Variants in CALD1 observed in about 807,000 individuals in gnomAD.
CALD1 encodes the protein caldesmon.
Under a neutral mutation model 99.9 loss-of-function variants are expected in CALD1, and 33 were observed. That is an observed-to-expected ratio of 0.33 (90% confidence interval 0.25 to 0.44). CALD1 has a LOEUF of 0.44. Ranked by LOEUF, CALD1 falls within the 20% of genes least tolerant of loss-of-function variation. The pLI, the probability that CALD1 is intolerant of heterozygous loss-of-function variation, is 1.00. For synonymous variants in CALD1, 310 were observed against 325.0 expected (o/e 0.95, Z 0.50); for missense variants, 861 against 962.1 (o/e 0.89, Z 1.39).
intron 1 of CALD1, among the ~76,000 whole-genome samples, chr7:134,774,169 CAAA>C (rs5887704): frequency 7.4e-6 from 1 of 135,948 alleles, no homozygotes; most frequent in East Asian, 2.1e-4. Context: ...GATTCCATCT[CAAA>C]AAAAAAAAAA....
At chr7:134,795,088 T>C (rs990255417) in intron 1 of CALD1, among the ~76,000 whole-genome samples, 1 of 152,218 alleles carries the variant, frequency 6.6e-6, no homozygotes, top group Non-Finnish European at 1.5e-5. Context: ...CTCTCGTCTT[T>C]TTTATTTATT....
Position 134,819,131 on chromosome 7 carries a change from C to T in CALD1, c.-129-24753C>T, listed in dbSNP as rs565293346. Among the ~76,000 whole-genome samples, 33 of 152,198 alleles carry T rather than the reference C, an allele frequency of 2.2e-4. 1 individual carries two copies. Among genetic ancestry groups the T allele is most frequent in the South Asian group, 4.1e-4 (2 of 4,828 alleles). ...CCTGACTAGATGAAGTAAGAACCGT[C>T]GTGAGGCCCAGGAGCAAGAAAAAAA... On this transcript the variant is annotated intron_variant, in intron 1 of 14. Coordinates refer to ENST00000361675, the MANE Select transcript of CALD1 (RefSeq NM_033138.4).
rs112159606 is a variant in CALD1, at chr7:134,958,305, C to T, written c.2061+15C>T. 1.3e-6 allele frequency: 2 copies of T among 1,596,868 alleles called. No individual in the cohort carries two copies. Among genetic ancestry groups the T allele is most frequent in the Non-Finnish European group, 1.7e-6 (2 of 1,164,564 alleles). On this transcript the variant is annotated intron_variant, in intron 11 of 14. Coordinates refer to ENST00000361675, the MANE Select transcript of CALD1 (RefSeq NM_033138.4). ...GTGCAATTGAGGTGAGAATTGTCCT[C>T]AGCGTTATGGTCCTGCTGAACAGAA...
chr7:134,891,796 A>G (rs12531510), intron 3 of CALD1: 258,234 of 716,620 alleles, frequency 0.36, 57,058 homozygotes, highest in East Asian at 0.85. Flanking sequence ...AGAGGAGGAG[A>G]CACCAGGCAG....
At chr7:134,779,787 A>G in intron 1 of CALD1, 38 bp downstream of exon 1, 1 of 398,274 alleles carries the variant, frequency 2.5e-6, no homozygotes, top group Admixed American at 4.4e-5. Context: ...TCTTCTAGAG[A>G]GAATCTGGGG....
intron 1 of CALD1, among the ~76,000 whole-genome samples, chr7:134,813,720 C>G (rs931683794): frequency 2.0e-5 from 3 of 152,192 alleles, no homozygotes; most frequent in African/African-American, 7.2e-5. Context: ...ACTTGGGAAA[C>G]AGCAGACTTG....
chr7:134,885,874 C>T (rs920894854), intron 3 of CALD1, among the ~76,000 whole-genome samples: 1 of 151,840 alleles, frequency 6.6e-6, no homozygotes, highest in Non-Finnish European at 1.5e-5. Context: ...GAGACCAGAA[C>T]CAGAATTTTG....
intron 1 of CALD1, among the ~76,000 whole-genome samples, chr7:134,818,363 T>C (rs1237849257): frequency 1.3e-5 from 2 of 152,254 alleles, no homozygotes; most frequent in Non-Finnish European, 2.9e-5. Context: ...TCTTAGGTTT[T>C]AATGCTGGTT....
At chr7:134,932,495 G>A (rs554934721) in intron 4 of CALD1, among the ~76,000 whole-genome samples, 43 of 152,186 alleles carry the variant, frequency 2.8e-4, no homozygotes, top group Admixed American at 9.8e-4. Flanking sequence ...ACTGCAAGTC[G>A]TTTATTTGTA....
chr7:134,817,459 T>C (rs746897053), intron 1 of CALD1, among the ~76,000 whole-genome samples: 6 of 152,114 alleles, frequency 3.9e-5, no homozygotes, highest in East Asian at 3.8e-4. Flanking sequence ...ACCCAAGAAA[T>C]TGACATTCGT....
chr7:134,952,404 C>T (rs1208592159), intron 9 of CALD1, among the ~76,000 whole-genome samples: 2 of 151,886 alleles, frequency 1.3e-5, no homozygotes, highest in African/African-American at 4.8e-5. Context: ...AAACTGCTTA[C>T]ATTTTACAGT....
intron 11 of CALD1, 59 bp from the exon 12 acceptor site, chr7:134,959,915 A>G (rs903647395): frequency 1.9e-6 from 3 of 1,566,038 alleles, no homozygotes; most frequent in African/African-American, 1.4e-5. Flanking sequence ...CAAACTCACT[A>G]TAATTTTATG....
chr7:134,834,742 T>C (rs1473877964), intron 1 of CALD1, among the ~76,000 whole-genome samples: 4 of 152,210 alleles, frequency 2.6e-5, no homozygotes, highest in Non-Finnish European at 5.9e-5. Context: ...CACAAATGGC[T>C]GATCTGATTG....
intron 3 of CALD1, among the ~76,000 whole-genome samples, chr7:134,902,754 A>C (rs951281643): frequency 1.3e-5 from 2 of 152,222 alleles, no homozygotes; most frequent in South Asian, 2.1e-4. Flanking sequence ...CTGAATAAAC[A>C]GTACAAGGTG....
intron 3 of CALD1, among the ~76,000 whole-genome samples, chr7:134,910,421 G>A (rs1439453355): frequency 2.0e-5 from 3 of 152,316 alleles, no homozygotes; most frequent in Admixed American, 2.0e-4. Context: ...TAGTTGTACT[G>A]AGTTCTTTTT....
chr7:134,818,141 C>G (rs539941645), intron 1 of CALD1, among the ~76,000 whole-genome samples: 17 of 152,098 alleles, frequency 1.1e-4, no homozygotes, highest in African/African-American at 4.1e-4. Flanking sequence ...ATACTGTTGT[C>G]AATTTAAAGA....
intron 1 of CALD1, among the ~76,000 whole-genome samples, chr7:134,764,511 C>T (rs1796809060): frequency 6.6e-6 from 1 of 152,106 alleles, no homozygotes; most frequent in Non-Finnish European, 1.5e-5. Context: ...AACAGGCACT[C>T]AAGAAATATT....
intron 1 of CALD1, among the ~76,000 whole-genome samples, chr7:134,789,031 T>TAAAAAAAAAAAAAAAAAAAAA (rs35315682): frequency 8.6e-6 from 1 of 116,822 alleles, no homozygotes; most frequent in Admixed American, 9.2e-5. Context: ...AAACAAAAAG[T>TAAAAAAAAAAAAAAAAAAAAA]AAAAAAAAAA....
intron 1 of CALD1, among the ~76,000 whole-genome samples, chr7:134,768,268 G>A (rs1267059798): frequency 1.3e-5 from 2 of 152,076 alleles, no homozygotes; most frequent in Admixed American, 6.5e-5. Flanking sequence ...GCCTTATTCC[G>A]GACCATCAGT....
Sources: gnomAD v4.1 joint callset for allele counts (sites outside exome capture counted in the v4.1 genomes callset) on GRCh38, gnomAD v4.1.1 for gene constraint, MANE v1.5 for transcripts, NCBI Gene and HGNC (gene_info 2026-07-23, HGNC 2026-07-21) for gene names.